Variants in CLBA1 observed in about 807,000 individuals in gnomAD.
CLBA1 encodes the protein clathrin binding box of aftiphilin containing 1.
In CLBA1, 30 loss-of-function variants were observed where a neutral mutation model predicts 28.8. The ratio of observed to expected loss-of-function variants is 1.04; its 90% CI spans 0.78 to 1.41. The LOEUF (loss-of-function observed/expected upper bound fraction) is 1.41, where lower values mean the gene tolerates loss of function less well. Ranked by LOEUF, CLBA1 falls within the 40% of genes most tolerant of loss-of-function variation. CLBA1 has a pLI of 0.00. For synonymous variants in CLBA1, 160 were observed against 152.8 expected (o/e 1.05, Z -0.35); for missense variants, 451 against 412.3 (o/e 1.09, Z -0.81).
chr14:104,998,982 A>G (rs1900214942), downstream of CLBA1, among the ~76,000 whole-genome samples: 1 of 152,252 alleles, frequency 6.6e-6, no homozygotes, highest in African/African-American at 2.4e-5. Context: ...GTCTGCAGTC[A>G]GTGCTGAGTA....
chr14:105,001,191 C>T (rs1214732942), intron 2 of CLBA1, among the ~76,000 whole-genome samples: 1 of 152,032 alleles, frequency 6.6e-6, no homozygotes, highest in African/African-American at 2.4e-5. Context: ...CTCACTCATA[C>T]GTGGAACCCA....
chr14:104,988,947 T>C lies in CLBA1; in HGVS notation c.428T>C (p.Ile143Thr). 4 of 1,606,788 alleles carry C rather than the reference T, an allele frequency of 2.5e-6. No individual in the cohort carries two copies. Among genetic ancestry groups the C allele is most frequent in the Non-Finnish European group, 3.4e-6 (4 of 1,176,854 alleles). Reference sequence around the variant, plus strand: ...CTTTTCTTCTTTTCTTTTCAGCCCATTCTCAGCTATGAGAACATTTTAAAG... The same window carrying C: ...CTTTTCTTCTTTTCTTTTCAGCCCACTCTCAGCTATGAGAACATTTTAAAG... ...GTSAVPPSEP[I>T]LSYENILKCA... The change falls in exon 2 of 5, where the codon ATT becomes ACT. Residue 143 changes from isoleucine (I) to threonine (T), a missense_variant. By Grantham distance (89) the Ile-to-Thr change is moderately conservative. Transcript: ENST00000547315.
Position 104,991,754 on chromosome 14 carries a change from C to G in CLBA1, c.699+134C>G, listed in dbSNP as rs1900029276. 24 of 1,099,596 alleles carry G rather than the reference C, an allele frequency of 2.2e-5. No individual in the cohort carries two copies. The South Asian group carries it at 2.6e-4, about 12-fold the overall frequency. 68.1% of individuals were successfully genotyped at this position (1,099,596 alleles called of 1,614,324 possible). A position where few individuals can be genotyped will look rare whatever the true frequency, so the allele number is the denominator to read the frequency against. The stretch of plus-strand genomic sequence containing the variant: ...CAGGTGGGTTAAAGCCACTAGGTGG[C>G]CCCATAAACGTGTCAGGGCCACTGG... On this transcript the variant is annotated intron_variant, in intron 3 of 4. Transcript: ENST00000547315.
chr14:104,999,058 C>T (rs939754810), downstream of CLBA1, among the ~76,000 whole-genome samples: 1 of 152,250 alleles, frequency 6.6e-6, no homozygotes, highest in African/African-American at 2.4e-5. Context: ...ATCCAGGGCC[C>T]ATGGGTGTGG....
At chr14:104,987,006 G>C (rs1162934075) in intron 1 of CLBA1, 152 bp downstream of exon 1, 4 of 943,942 alleles carry the variant, frequency 4.2e-6, no homozygotes, top group Non-Finnish European at 6.2e-6. Context: ...CTGGCCATGT[G>C]GTTGGCAGTC....
downstream of CLBA1, among the ~76,000 whole-genome samples, chr14:104,998,326 A>C (rs1900202744): frequency 6.6e-6 from 1 of 150,950 alleles, no homozygotes; most frequent in Admixed American, 6.6e-5. Flanking sequence ...AGGTGGGAGG[A>C]TTGCTTGAGC....
downstream of CLBA1, among the ~76,000 whole-genome samples, chr14:104,997,613 G>T (rs905388286): frequency 1.3e-5 from 2 of 152,216 alleles, no homozygotes; most frequent in Non-Finnish European, 2.9e-5. Flanking sequence ...GAGAAGCAAC[G>T]ATAGGAACAA....
chr14:104,988,388 A>G (rs1899928078), intron 1 of CLBA1, among the ~76,000 whole-genome samples: 1 of 146,068 alleles, frequency 6.8e-6, no homozygotes, highest in Non-Finnish European at 1.5e-5. Flanking sequence ...GCTGGAGTGC[A>G]GTGGCACAAT....
chr14:104,987,606 C>CTTTTTTTTTTTTTTT, intron 1 of CLBA1, among the ~76,000 whole-genome samples: 1 of 59,984 alleles, frequency 1.7e-5, no homozygotes, highest in Admixed American at 2.9e-4. Context: ...TCTTCCTTTT[C>CTTTTTTTTTTTTTTT]TTTTTTTTTT....
At chr14:104,992,673 C>T (rs1595444757) in intron 3 of CLBA1, among the ~76,000 whole-genome samples, 1 of 152,228 alleles carries the variant, frequency 6.6e-6, no homozygotes, top group African/African-American at 2.4e-5. Flanking sequence ...CGAGTGGCGG[C>T]AGCCTGAAGG....
Position 104,986,436 on chromosome 14 carries a change from A to G in CLBA1, c.5A>G (p.Gln2Arg). The G allele has an allele frequency of 6.2e-7, 1 of 1,612,060 alleles. No individual in the cohort carries two copies. Among genetic ancestry groups the G allele is most frequent in the Non-Finnish European group, 8.5e-7 (1 of 1,179,798 alleles). Residue 2 changes from glutamine (Q) to arginine (R), a missense_variant, in exon 1 of 5, where the codon CAA becomes CGA. Physicochemically the swap from Gln to Arg is conservative, Grantham distance 43 (BLOSUM62 1). Transcript: ENST00000547315. ...TGCTGGCCTGGGGGCTCCAAGATGC[A>G]AGGCCGGCGGGAGCTGGGGGGAGAG... is the stretch of plus-strand genomic sequence containing the variant. M[Q>R]GRRELGGEPL...
At chr14:104,990,786 C>T (rs1005217996) in intron 2 of CLBA1, 1 of 153,636 alleles carries the variant, frequency 6.5e-6, no homozygotes, top group Non-Finnish European at 1.4e-5. Flanking sequence ...CAGCACAGTT[C>T]TAGGCACTTG....
In CLBA1 at chr14:104,994,461, GAGA is replaced by G. The variant is rs1900117875; in HGVS notation, c.817-134_817-132del. On this transcript the variant is annotated intron_variant, in intron 4 of 4. Transcript: ENST00000547315. ...CGCCTCTCTGGTGACATCCCATGAT[GAGA>G]AGGTTTCTAAGAGGAGAACCAAGGA... 3.5e-6 allele frequency: 5 copies of G among 1,418,720 alleles called. No homozygotes were observed. In the South Asian group the frequency reaches 4.6e-5, roughly 13 times the overall value. 87.9% of individuals were successfully genotyped at this position (1,418,720 alleles called of 1,614,324 possible). A position where few individuals can be genotyped will look rare whatever the true frequency, so the allele number is the denominator to read the frequency against.
downstream of CLBA1, among the ~76,000 whole-genome samples, chr14:105,000,032 T>C (rs1310321300): frequency 6.6e-6 from 1 of 152,220 alleles, no homozygotes; most frequent in Non-Finnish European, 1.5e-5. Flanking sequence ...AGCTCTCGCA[T>C]GACTCCTGAT....
intron 4 of CLBA1, 94 bp from the exon 5 acceptor site, chr14:104,994,504 G>C (rs755068190): frequency 1.0e-4 from 150 of 1,479,926 alleles, no homozygotes; most frequent in Middle Eastern, 2.5e-4. Context: ...ACACTAGGGG[G>C]CCGAGAGGCA....
At chr14:104,991,272 C>A (rs930149561) in intron 2 of CLBA1, 1 of 416,146 alleles carries the variant, frequency 2.4e-6, no homozygotes, top group Non-Finnish European at 4.4e-6. Flanking sequence ...GATCTGTCAG[C>A]CTCAGCCTCC....
At chr14:104,993,993 A>G (rs996183690) in intron 4 of CLBA1, 2 of 984,264 alleles carry the variant, frequency 2.0e-6, no homozygotes, top group Non-Finnish European at 2.4e-6. Context: ...TGAATGTGGC[A>G]CTGCCCCCAG....
downstream of CLBA1, among the ~76,000 whole-genome samples, chr14:104,997,898 A>C (rs1284903010): frequency 6.6e-6 from 1 of 152,096 alleles, no homozygotes; most frequent in Non-Finnish European, 1.5e-5. Context: ...AATCCCAGCT[A>C]CTTGGGAGGC....
In CLBA1 at chr14:104,986,933, G is replaced by T. The variant is rs536839417; in HGVS notation, c.423+79G>T. On this transcript the variant is annotated intron_variant, in intron 1 of 4. Coordinates refer to ENST00000547315, the MANE Select transcript of CLBA1 (RefSeq NM_174891.4). ...AGGCCTACAGCCCTCGAATGCTGTG[G>T]CGTGCTGGCCAGGGAGGGGGCTGAC... 6 of 1,509,170 alleles carry T rather than the reference G, an allele frequency of 4.0e-6. No individual in the cohort carries two copies. In the African/African-American group the frequency reaches 8.3e-5, roughly 21 times the overall value. 93.5% of individuals were successfully genotyped at this position (1,509,170 alleles called of 1,614,324 possible). A position where few individuals can be genotyped will look rare whatever the true frequency, so the allele number is the denominator to read the frequency against.
Sources: allele counts gnomAD v4.1 joint callset (sites outside exome capture counted in the v4.1 genomes callset), GRCh38; gene constraint gnomAD v4.1.1; transcripts MANE v1.5; gene names NCBI Gene and HGNC (gene_info 2026-07-23, HGNC 2026-07-21).